STX3: variants seen among roughly 807,000 people sequenced by gnomAD.
STX3 encodes the protein syntaxin 3, also known as syntaxin-3.
STX3 carries 19 observed loss-of-function variants against 40.2 expected under a neutral mutation model. The observed-to-expected ratio is 0.47, with a 90% CI of 0.33 to 0.69. The LOEUF is 0.69. Ranked by LOEUF, STX3 falls within the 30% of genes least tolerant of loss-of-function variation. The pLI, the probability that STX3 is intolerant of heterozygous loss-of-function variation, is 0.02. For missense variants in STX3, 364 were observed against 366.7 expected, an observed-to-expected ratio of 0.99 and a Z score of 0.06; for synonymous variants, 122 against 132.2, an observed-to-expected ratio of 0.92 and a Z score of 0.53.
intron 1 of STX3, among the ~76,000 whole-genome samples, chr11:59,771,864 T>A (rs1443845432): frequency 6.6e-6 from 1 of 152,166 alleles, no homozygotes; most frequent in African/African-American, 2.4e-5. Context: ...GTTCTGAGTT[T>A]AGGGAAGTTG....
chr11:59,788,423 T>C (rs1339789475), intron 3 of STX3, among the ~76,000 whole-genome samples: 1 of 152,254 alleles, frequency 6.6e-6, no homozygotes, highest in African/African-American at 2.4e-5. Flanking sequence ...CTTAGTTTGC[T>C]CCATACAACC....
chr11:59,791,970 A>G (rs1865195418), intron 5 of STX3, 137 bp from the exon 6 acceptor site: 1 of 723,916 alleles, frequency 1.4e-6, no homozygotes, highest in Non-Finnish European at 2.4e-6. Context: ...AAGCTAGGAA[A>G]CAAAAAACTT....
At position 59,803,553 on chromosome 11, in the gene STX3, G is replaced by A. The variant is rs1352754616; in HGVS notation, c.*2729G>A. On this transcript the variant is annotated 3_prime_UTR_variant, in exon 11 of 11. Transcript: ENST00000337979. ...CTGGTGTGGCAGAATGCTTTGTACA[G>A]GTGAAGGATAGTGATTCCTGCTAAA... Among the ~76,000 whole-genome samples the A allele has an allele frequency of 2.0e-5, 3 of 152,202 alleles. No individual in the cohort carries two copies. Among genetic ancestry groups the A allele is most frequent in the African/African-American group, 7.2e-5 (3 of 41,450 alleles).
At chr11:59,763,715 A>G (rs1272963072) in intron 1 of STX3, among the ~76,000 whole-genome samples, 1 of 152,212 alleles carries the variant, frequency 6.6e-6, no homozygotes, top group Non-Finnish European at 1.5e-5. Context: ...GAAATGACAA[A>G]CTATTTAGAA....
chr11:59,793,969 T>C (rs1293410416), intron 8 of STX3, among the ~76,000 whole-genome samples: 1 of 152,130 alleles, frequency 6.6e-6, no homozygotes, highest in Non-Finnish European at 1.5e-5. Context: ...CTCCTAATGG[T>C]GACGTTTTAA....
rs1865874656 is a variant in STX3 at position 59,801,256 on chromosome 11, A to G, written c.*432A>G. On this transcript the variant is annotated 3_prime_UTR_variant, in exon 11 of 11. Transcript: ENST00000337979. ...TTTAGGGGAGTATCTTTAACAAAGC[A>G]GAATGATTCTTCTAAGTTTGGCAAC... The G allele has an allele frequency of 1.9e-6, 2 of 1,025,760 alleles. No individual in the cohort carries two copies. The highest frequency in any genetic ancestry group is 3.4e-5 in the African/African-American group (2 of 58,904). The allele number at this position is 1,025,760 out of a possible 1,614,324, so 63.5% of individuals were successfully genotyped here. A position where few individuals can be genotyped will look rare whatever the true frequency, so the allele number is the denominator to read the frequency against.
At chr11:59,777,757 T>C (rs545539808) in intron 2 of STX3, among the ~76,000 whole-genome samples, 1 of 152,334 alleles carries the variant, frequency 6.6e-6, no homozygotes, top group African/African-American at 2.4e-5. Context: ...TCTATTGTTA[T>C]ATCACAGCAT....
upstream of STX3, chr11:59,755,375 C>T (rs1395673384): frequency 5.7e-6 from 2 of 351,100 alleles, no homozygotes; most frequent in East Asian, 4.7e-5. Context: ...GCCCGGGAGC[C>T]GGATTTGGAG....
At position 59,802,251 on chromosome 11, in the gene STX3, C is replaced by T. The variant is rs1031064487; in HGVS notation, c.*1427C>T. On this transcript the variant is annotated 3_prime_UTR_variant, in exon 11 of 11. Transcript: ENST00000337979. The stretch of plus-strand genomic sequence containing the variant: ...TTATCATGGAAACAGCAGCAGCAGC[C>T]GCTAGGAAATCTTCAAGTGTAGTGT... The T allele has an allele frequency of 8.9e-5, 88 of 985,352 alleles. No individual in the cohort carries two copies. The highest frequency in any genetic ancestry group is 1.0e-4 in the Non-Finnish European group (87 of 829,986). 61.0% of individuals were successfully genotyped at this position (985,352 alleles called of 1,614,324 possible).
chr11:59,789,104 TGTA>T lies in STX3; in HGVS notation c.289+159_289+161del, dbSNP rs1175821395. 12 of 594,924 alleles carry T rather than the reference TGTA, an allele frequency of 2.0e-5. No homozygotes were observed. The Admixed American group carries it at 3.5e-4, about 17-fold the overall frequency. The allele number at this position is 594,924 out of a possible 1,614,324, so 36.9% of individuals were successfully genotyped here. ...GGGCTCTGTCCCCGCAATGATCCATTGTAGCCCCAGAAATTTACCTTTTCTTAA... is the reference window on the plus strand; with the variant it reads ...GGGCTCTGTCCCCGCAATGATCCATTGCCCCAGAAATTTACCTTTTCTTAA... On this transcript the variant is annotated intron_variant, in intron 4 of 10. Coordinates refer to ENST00000337979, the MANE Select transcript of STX3 (RefSeq NM_004177.5).
Position 59,802,998 on chromosome 11 carries a change from G to A in STX3, c.*2174G>A. Reference sequence around the variant, plus strand: ...CACGATGTTATCTAGAAGGTGGAATGACCATACCAAACATCCTTTTAATCT... The same window carrying A: ...CACGATGTTATCTAGAAGGTGGAATAACCATACCAAACATCCTTTTAATCT... On this transcript the variant is annotated 3_prime_UTR_variant, in exon 11 of 11. Coordinates refer to ENST00000337979, the MANE Select transcript of STX3 (RefSeq NM_004177.5). 1.0e-6 allele frequency: 1 copy of A among 977,344 alleles called. No individual in the cohort carries two copies. The highest frequency in any genetic ancestry group is 1.1e-4 in the East Asian group (1 of 8,730). The allele number at this position is 977,344 out of a possible 1,614,324, so 60.5% of individuals were successfully genotyped here. A position where few individuals can be genotyped will look rare whatever the true frequency, so the allele number is the denominator to read the frequency against.
rs547324688 is a variant in STX3, at chr11:59,785,442, C to T, written c.115-1595C>T. On this transcript the variant is annotated intron_variant, in intron 2 of 10. Coordinates refer to ENST00000337979, the MANE Select transcript of STX3 (RefSeq NM_004177.5). ...AACCTCCCAGGCTCAAGGGATCCTC[C>T]GTTTTAGCCCCCTGAGTAGCTGGGA... 6.9e-4 allele frequency among the ~76,000 whole-genome samples: 105 copies of T among 152,220 alleles called. 1 individual carries two copies. In the South Asian group the frequency reaches 0.011, roughly 16 times the overall value.
chr11:59,776,623 T>C (rs1236441009), intron 2 of STX3, among the ~76,000 whole-genome samples: 3 of 152,246 alleles, frequency 2.0e-5, no homozygotes, highest in Non-Finnish European at 2.9e-5. Context: ...TTTGGACTGG[T>C]TCCAGGAGGT....
chr11:59,754,795 CGAG>C (rs1862623381), upstream of STX3: 1 of 152,186 alleles, frequency 6.6e-6, no homozygotes, highest in South Asian at 2.1e-4. Flanking sequence ...CTAACAACAT[CGAG>C]CTGCTTACGT....
intron 1 of STX3, among the ~76,000 whole-genome samples, chr11:59,772,877 G>A (rs1356137047): frequency 2.6e-5 from 4 of 151,978 alleles, no homozygotes; most frequent in Non-Finnish European, 5.9e-5. Context: ...GAAGCAGGTA[G>A]TGTTTTTATC....
intron 1 of STX3, among the ~76,000 whole-genome samples, chr11:59,772,874 G>T (rs1017534671): frequency 1.3e-5 from 2 of 151,788 alleles, no homozygotes; most frequent in Non-Finnish European, 2.9e-5. Flanking sequence ...TATGAAGCAG[G>T]TAGTGTTTTT....
At chr11:59,789,856 C>T (rs1406089644) in intron 4 of STX3, among the ~76,000 whole-genome samples, 1 of 152,136 alleles carries the variant, frequency 6.6e-6, no homozygotes, top group Non-Finnish European at 1.5e-5. Flanking sequence ...CCCTCACTCC[C>T]CCCATTTGGG....
intron 1 of STX3, among the ~76,000 whole-genome samples, chr11:59,757,840 G>A (rs1862809675): frequency 6.6e-6 from 1 of 152,150 alleles, no homozygotes; most frequent in South Asian, 2.1e-4. Context: ...TTTCTTTGAA[G>A]ACTGTTAAGG....
rs1353745377 is a variant in STX3 at position 59,805,082 on chromosome 11, CAGG to C, written c.*4261_*4263del. 2 of 150,574 alleles carry C rather than the reference CAGG, an allele frequency of 1.3e-5. No homozygotes were observed. Among genetic ancestry groups the C allele is most frequent in the South Asian group, 4.2e-4 (2 of 4,772 alleles). 9.3% of individuals were successfully genotyped at this position (150,574 alleles called of 1,614,324 possible). A position where few individuals can be genotyped will look rare whatever the true frequency, so the allele number is the denominator to read the frequency against. On this transcript the variant is annotated 3_prime_UTR_variant, in exon 11 of 11. Transcript: ENST00000337979. Reference sequence around the variant, plus strand: ...TTCCCAGCTACTTGGGAGGCTGAGGCAGGAGAATTGCTTGAATGCAAGAGGCGG... The same window carrying C: ...TTCCCAGCTACTTGGGAGGCTGAGGCAGAATTGCTTGAATGCAAGAGGCGG...
Sources: allele counts gnomAD v4.1 joint callset (sites outside exome capture counted in the v4.1 genomes callset), GRCh38; gene constraint gnomAD v4.1.1; transcripts MANE v1.5; gene names NCBI Gene and HGNC (gene_info 2026-07-23, HGNC 2026-07-21).